The following RAB11FIP4 variants were observed in gnomAD, a reference collection of about 807,000 sequenced individuals.
RAB11FIP4 encodes rab11 family-interacting protein 4.
In RAB11FIP4, 23 loss-of-function variants were observed where a neutral mutation model predicts 74.3. The observed-to-expected ratio is 0.31, with a 90% CI of 0.22 to 0.44. RAB11FIP4 has a LOEUF of 0.44. Ranked by LOEUF, RAB11FIP4 falls within the 20% of genes least tolerant of loss-of-function variation. RAB11FIP4 has a pLI of 1.00. For synonymous variants in RAB11FIP4, 360 were observed against 359.9 expected, an observed-to-expected ratio of 1.00 and a Z score of 0.00; for missense variants, 630 against 863.9, an observed-to-expected ratio of 0.73 and a Z score of 3.39.
chr17:31,488,325 G>C, intron 3 of RAB11FIP4: 1 of 1,131,288 alleles, frequency 8.8e-7, no homozygotes, highest in Non-Finnish European at 1.1e-6. Context: ...GCGCGCACCT[G>C]GCTCGGCCCG....
chr17:31,425,581 G>A (rs1034269327), intron 1 of RAB11FIP4, among the ~76,000 whole-genome samples: 12 of 152,178 alleles, frequency 7.9e-5, no homozygotes, highest in Non-Finnish European at 1.8e-4. Flanking sequence ...GGGACTGAGT[G>A]GGGGGAAAAA....
intron 3 of RAB11FIP4, among the ~76,000 whole-genome samples, chr17:31,497,629 G>C (rs988598441): frequency 6.6e-6 from 1 of 152,102 alleles, no homozygotes; most frequent in Non-Finnish European, 1.5e-5. Flanking sequence ...GGGTGCACAT[G>C]ACAAGGCTGC....
intron 3 of RAB11FIP4, among the ~76,000 whole-genome samples, chr17:31,438,364 G>A (rs541544191): frequency 6.6e-6 from 1 of 152,186 alleles, no homozygotes; most frequent in South Asian, 2.1e-4. Context: ...TATGGTGGAT[G>A]AAATGGAGAG....
intron 2 of RAB11FIP4, among the ~76,000 whole-genome samples, chr17:31,432,357 T>C (rs1432963127): frequency 8.1e-6 from 1 of 124,016 alleles, no homozygotes; most frequent in African/African-American, 2.9e-5. Context: ...CCGCCTCCTC[T>C]TTTTTTTTTT....
In RAB11FIP4 at chr17:31,528,464, T is replaced by C. The variant is rs773641697; in HGVS notation, c.1415T>C (p.Met472Thr). The C allele has an allele frequency of 1.3e-5, 21 of 1,613,510 alleles. No homozygotes were observed. Among genetic ancestry groups the C allele is most frequent in the Admixed American group, 1.0e-4 (6 of 60,014 alleles). Residue 472 changes from methionine to threonine, a missense_variant, in exon 12 of 15, where the codon ATG (methionine) becomes ACG (threonine). Met to Thr is a moderately conservative substitution (Grantham distance 81). Transcript: ENST00000621161. The part of the protein sequence containing the change: ...EDTSLRLKDE[M>T]DLYKRMMDKL... ...ACCAGCCTGCGGCTCAAAGATGAGA[T>C]GGACCTGTACAAGCGCATGATGGAC... is the stretch of plus-strand genomic sequence containing the variant.
Position 31,537,221 on chromosome 17 carries a change from T to G in RAB11FIP4, c.*5489T>G. ...TACATCGTCTCATCTCCCTGGCCTT[T>G]CCCGAGCCCTGTAAATGTGTACTTT... On this transcript the variant is annotated 3_prime_UTR_variant, in exon 15 of 15. Coordinates refer to ENST00000621161, the MANE Select transcript of RAB11FIP4 (RefSeq NM_032932.6). 1 of 399,396 alleles carries G rather than the reference T, an allele frequency of 2.5e-6. No homozygotes were observed. 24.7% of individuals were successfully genotyped at this position (399,396 alleles called of 1,614,324 possible).
intron 3 of RAB11FIP4, among the ~76,000 whole-genome samples, chr17:31,500,494 G>A (rs1485759689): frequency 6.6e-6 from 1 of 152,224 alleles, no homozygotes; most frequent in Admixed American, 6.5e-5. Flanking sequence ...GAGGCAGCCT[G>A]ACCCAGGATA....
chr17:31,508,352 T>G (rs1332472938), intron 3 of RAB11FIP4, among the ~76,000 whole-genome samples: 1 of 152,206 alleles, frequency 6.6e-6, no homozygotes, highest in African/African-American at 2.4e-5. Context: ...CCACTCATGC[T>G]CACTGATTGT....
At chr17:31,412,821 G>A (rs938252000) in intron 1 of RAB11FIP4, among the ~76,000 whole-genome samples, 6 of 152,222 alleles carry the variant, frequency 3.9e-5, no homozygotes, top group South Asian at 2.1e-4. Context: ...TGGGGTTTCC[G>A]TGGTGGAGAG....
chr17:31,416,287 TA>T (rs1261978883), intron 1 of RAB11FIP4, among the ~76,000 whole-genome samples: 2 of 152,036 alleles, frequency 1.3e-5, no homozygotes, highest in Non-Finnish European at 2.9e-5. Flanking sequence ...CTACCCAGGG[TA>T]AGTCTGACTG....
chr17:31,473,842 G>A (rs2071764148), intron 3 of RAB11FIP4, among the ~76,000 whole-genome samples: 1 of 152,184 alleles, frequency 6.6e-6, no homozygotes, highest in South Asian at 2.1e-4. Flanking sequence ...TCTGCACACT[G>A]TGGTATGCAT....
At position 31,391,928 on chromosome 17, in the gene RAB11FIP4, G is replaced by C; in HGVS notation, c.76G>C (p.Glu26Gln). 1 of 1,378,268 alleles carries C rather than the reference G, an allele frequency of 7.3e-7. No homozygotes were observed. Among genetic ancestry groups the C allele is most frequent in the South Asian group, 1.6e-5 (1 of 62,884 alleles). The allele number at this position is 1,378,268 out of a possible 1,614,324, so 85.4% of individuals were successfully genotyped here. A position where few individuals can be genotyped will look rare whatever the true frequency, so the allele number is the denominator to read the frequency against. Residue 26 changes from glutamate to glutamine, a missense_variant, in exon 1 of 15, where the codon GAG (glutamate) becomes CAG (glutamine). Transcript: ENST00000621161. ...CGTGCGCCGCCTGCGCGAGGTGTTC[G>C]AGGTGTGCGGCCGCGACCCCGACGG... Reference protein sequence around the residue: ...RSVRRLREVFEVCGRDPDGFL... With the variant: ...RSVRRLREVFQVCGRDPDGFL...
rs1462567454 is a variant in RAB11FIP4 at position 31,534,769 on chromosome 17, G to C, written c.*3037G>C. 6.5e-6 allele frequency: 1 copy of C among 153,518 alleles called. No homozygotes were observed. The highest frequency in any genetic ancestry group is 1.5e-5 in the Non-Finnish European group (1 of 68,214). 9.5% of individuals were successfully genotyped at this position (153,518 alleles called of 1,614,324 possible). A position where few individuals can be genotyped will look rare whatever the true frequency, so the allele number is the denominator to read the frequency against. Reference sequence around the variant, plus strand: ...AAACCTGGCAACCCTACCGAGTAGGGATTAGCAGTAACTTATCTGAAATTT... The same window carrying C: ...AAACCTGGCAACCCTACCGAGTAGGCATTAGCAGTAACTTATCTGAAATTT... On this transcript the variant is annotated 3_prime_UTR_variant, in exon 15 of 15. Coordinates refer to ENST00000621161, the MANE Select transcript of RAB11FIP4 (RefSeq NM_032932.6).
At chr17:31,524,987 G>A in intron 9 of RAB11FIP4, 103 bp from the exon 10 acceptor site, 1 of 1,397,056 alleles carries the variant, frequency 7.2e-7, no homozygotes, top group Non-Finnish European at 9.9e-7. Flanking sequence ...CAGTGGACAT[G>A]CCAGTGACTC....
chr17:31,490,857 G>A (rs34122905), intron 3 of RAB11FIP4, among the ~76,000 whole-genome samples: 56,915 of 152,190 alleles, frequency 0.37, 11,623 homozygotes, highest in East Asian at 0.49. Context: ...ACACCCAGCT[G>A]AAGCATCTTT....
At position 31,425,833 on chromosome 17, in the gene RAB11FIP4, T is replaced by C. The variant is rs1336967165; in HGVS notation, c.160-5980T>C. Among the ~76,000 whole-genome samples, 3 of 152,080 alleles carry C rather than the reference T, an allele frequency of 2.0e-5. No homozygotes were observed. The East Asian group carries it at 5.8e-4, about 29-fold the overall frequency. The stretch of plus-strand genomic sequence containing the variant: ...AGCCCCAGGGCTGCCCAGCCACGCA[T>C]GGTGTGTGCCCCAGGGTGGGGGCGG... On this transcript the variant is annotated intron_variant, in intron 1 of 14. Coordinates refer to ENST00000621161, the MANE Select transcript of RAB11FIP4 (RefSeq NM_032932.6).
At chr17:31,406,143 C>G (rs757286067) in intron 1 of RAB11FIP4, among the ~76,000 whole-genome samples, 1 of 152,228 alleles carries the variant, frequency 6.6e-6, no homozygotes, top group Non-Finnish European at 1.5e-5. Context: ...CAGATGATGC[C>G]CTCCAGAGGG....
chr17:31,403,264 G>A (rs1301925722), intron 1 of RAB11FIP4, among the ~76,000 whole-genome samples: 1 of 151,988 alleles, frequency 6.6e-6, no homozygotes, highest in East Asian at 1.9e-4. Context: ...AGAGGATATG[G>A]AGACCCAAGG....
intron 1 of RAB11FIP4, among the ~76,000 whole-genome samples, chr17:31,409,469 G>A (rs556273126): frequency 5.3e-5 from 8 of 152,090 alleles, no homozygotes; most frequent in Non-Finnish European, 7.4e-5. Flanking sequence ...CATCCTCAGC[G>A]GCAGTCCACC....
Sources: gnomAD v4.1 joint callset for allele counts (sites outside exome capture counted in the v4.1 genomes callset) on GRCh38, gnomAD v4.1.1 for gene constraint, MANE v1.5 for transcripts, NCBI Gene and HGNC (gene_info 2026-07-23, HGNC 2026-07-21) for gene names.